MYPN: variants seen among roughly 807,000 people sequenced by gnomAD.
The protein encoded by MYPN is sarcomeric protein myopalladin, 145 kDa (MYOP).
In MYPN, 63 loss-of-function variants were observed where a neutral mutation model predicts 129.4. The observed-to-expected ratio is 0.49, with a 90% CI of 0.40 to 0.60. MYPN has a LOEUF of 0.60. Among genes scored for constraint, MYPN ranks in the 20% least tolerant of loss-of-function variants. MYPN has a pLI of 0.00. For synonymous variants in MYPN, 629 were observed against 600.9 expected, an observed-to-expected ratio of 1.05 and a Z score of -0.68; for missense variants, 1,596 against 1,635.4, an observed-to-expected ratio of 0.98 and a Z score of 0.42.
rs562141434 is a variant in MYPN at position 68,211,036 on chromosome 10, C to T, written c.*581C>T. 3.1e-5 allele frequency: 14 copies of T among 454,082 alleles called. No homozygotes were observed. The highest frequency in any genetic ancestry group is 2.2e-4 in the African/African-American group (11 of 50,106). 28.1% of individuals were successfully genotyped at this position (454,082 alleles called of 1,614,324 possible). ...TTTGCATATCCTGGGTGTACTGAGC[C>T]ACATAATAAGGTGTCAAAATGTGCT... On this transcript the variant is annotated 3_prime_UTR_variant, in exon 20 of 20. Transcript: ENST00000358913.
intron 16 of MYPN, among the ~76,000 whole-genome samples, 175 bp downstream of exon 16, chr10:68,197,653 T>A (rs367965333): frequency 3.9e-5 from 6 of 152,154 alleles, no homozygotes; most frequent in Non-Finnish European, 8.8e-5. Context: ...TAATGTCAGA[T>A]GAAATTATTT....
chr10:68,184,429 T>C (rs998290552), intron 12 of MYPN, among the ~76,000 whole-genome samples: 2 of 120,562 alleles, frequency 1.7e-5, no homozygotes, highest in African/African-American at 5.6e-5. Context: ...GTGTTAACTG[T>C]TGGAGGCATT....
At chr10:68,130,317 AG>A (rs2042390129) in intron 2 of MYPN, among the ~76,000 whole-genome samples, 1 of 152,000 alleles carries the variant, frequency 6.6e-6, no homozygotes. Flanking sequence ...AAAATTAGCC[AG>A]GCGTGGTGGC....
intron 5 of MYPN, 87 bp downstream of exon 5, chr10:68,148,554 T>C: frequency 9.2e-7 from 1 of 1,083,588 alleles, no homozygotes; most frequent in Non-Finnish European, 1.4e-6. Context: ...CATGATCGTG[T>C]TTTTCTCAGG....
chr10:68,197,622 A>G, intron 16 of MYPN, 144 bp downstream of exon 16: 1 of 929,862 alleles, frequency 1.1e-6, no homozygotes, highest in Non-Finnish European at 1.6e-6. Flanking sequence ...TTTTTTCATC[A>G]TAAGGCTTGT....
chr10:68,188,451 G>A (rs1386684746), intron 12 of MYPN, among the ~76,000 whole-genome samples: 2 of 149,234 alleles, frequency 1.3e-5, no homozygotes, highest in East Asian at 3.9e-4. Flanking sequence ...TGTTACAGTA[G>A]AGATATATTT....
At position 68,174,304 on chromosome 10, in the gene MYPN, G is replaced by T. The variant is rs1169966505; in HGVS notation, c.2212G>T (p.Ala738Ser). 2 of 1,613,948 alleles carry T rather than the reference G, an allele frequency of 1.2e-6. No individual in the cohort carries two copies. Among genetic ancestry groups the T allele is most frequent in the South Asian group, 2.2e-5 (2 of 91,080 alleles). ...PSTNTTAATV[A>S]PSSSPVFTLS... ...CACGAACACCACCGCAGCAACTGTGGCCCCTTCCAGCTCTCCGGTGTTCAC... is the reference window on the plus strand; with the variant it reads ...CACGAACACCACCGCAGCAACTGTGTCCCCTTCCAGCTCTCCGGTGTTCAC... The change falls in exon 11 of 20, where the codon GCC (alanine) becomes TCC (serine). Residue 738 changes from alanine to serine, a missense_variant. Ala to Ser is a moderately conservative substitution (Grantham distance 99). Transcript: ENST00000358913.
chr10:68,195,394 A>G (rs1425170335), intron 14 of MYPN, 56 bp from the exon 15 acceptor site: 2 of 1,569,790 alleles, frequency 1.3e-6, no homozygotes, highest in Non-Finnish European at 8.8e-7. Context: ...TTTTATGTAA[A>G]TTGAAAAAAT....
At chr10:68,139,443 A>G (rs977490731) in intron 2 of MYPN, among the ~76,000 whole-genome samples, 1 of 151,952 alleles carries the variant, frequency 6.6e-6, no homozygotes, top group Admixed American at 6.6e-5. Context: ...CTCCCCTTCC[A>G]TTCTTTTTGT....
chr10:68,160,466 G>GA (rs988802915), intron 7 of MYPN, among the ~76,000 whole-genome samples: 7 of 133,168 alleles, frequency 5.3e-5, no homozygotes, highest in Admixed American at 1.5e-4. Flanking sequence ...CAGAGAGAGA[G>GA]AAAAAAAAAC....
intron 12 of MYPN, among the ~76,000 whole-genome samples, chr10:68,175,833 C>A (rs542502107): frequency 2.0e-5 from 3 of 152,208 alleles, no homozygotes; most frequent in Non-Finnish European, 4.4e-5. Flanking sequence ...CGGTTCACTG[C>A]AACCTTGACC....
chr10:68,158,697 T>C, intron 7 of MYPN, 70 bp downstream of exon 7: 6 of 1,100,826 alleles, frequency 5.5e-6, no homozygotes, highest in Non-Finnish European at 7.9e-6. Flanking sequence ...CTTATTTTTA[T>C]AACTTTTTAA....
chr10:68,162,368 A>T (rs1479767360), intron 8 of MYPN, among the ~76,000 whole-genome samples: 1 of 152,204 alleles, frequency 6.6e-6, no homozygotes, highest in Non-Finnish European at 1.5e-5. Context: ...AACTAGGCAA[A>T]GCAATTTTTA....
chr10:68,127,152 C>T (rs10997939), intron 2 of MYPN, among the ~76,000 whole-genome samples: 44,103 of 150,924 alleles, frequency 0.29, 6,909 homozygotes, highest in East Asian at 0.45. Context: ...TACAGGTGCC[C>T]GCCACCACAC....
intron 3 of MYPN, among the ~76,000 whole-genome samples, chr10:68,144,740 T>C (rs1437483820): frequency 6.6e-6 from 1 of 152,156 alleles, no homozygotes; most frequent in East Asian, 1.9e-4. Flanking sequence ...AGCATCCACC[T>C]ACACCTACAA....
chr10:68,133,822 C>T lies in MYPN; in HGVS notation c.903-9118C>T, dbSNP rs553535832. ...GCCAATGTGTGCTGGACAAGCAGGG[C>T]AGCATCCCAGATAGCCAGGAGGACT... On this transcript the variant is annotated intron_variant, in intron 2 of 19. Coordinates refer to ENST00000358913, the MANE Select transcript of MYPN (RefSeq NM_032578.4). Among the ~76,000 whole-genome samples the T allele has an allele frequency of 1.8e-3, 270 of 151,004 alleles. 2 individuals are homozygous for T. The highest frequency in any genetic ancestry group is 6.3e-3 in the African/African-American group (258 of 40,984).
intron 12 of MYPN, among the ~76,000 whole-genome samples, chr10:68,182,474 A>ACACACT (rs2043351289): frequency 7.2e-6 from 1 of 139,836 alleles, no homozygotes; most frequent in African/African-American, 2.6e-5. Context: ...ACATATATAC[A>ACACACT]CACACACACA....
intron 7 of MYPN, 32 bp from the exon 8 acceptor site, chr10:68,161,697 T>C (rs1328442181): frequency 1.3e-6 from 2 of 1,594,984 alleles, no homozygotes; most frequent in Non-Finnish European, 1.7e-6. Flanking sequence ...GTAAAATAAA[T>C]GCTCAGAATC....
intron 2 of MYPN, chr10:68,136,851 G>T (rs1273844067): frequency 9.3e-7 from 1 of 1,073,774 alleles, no homozygotes; most frequent in South Asian, 1.8e-5. Flanking sequence ...GAGTTACATT[G>T]CTTTAAAAGC....
Sources: gnomAD v4.1 joint callset for allele counts (sites outside exome capture counted in the v4.1 genomes callset) on GRCh38, gnomAD v4.1.1 for gene constraint, MANE v1.5 for transcripts, NCBI Gene and HGNC (gene_info 2026-07-23, HGNC 2026-07-21) for gene names.